KCNT2: variants seen among roughly 807,000 people sequenced by gnomAD.
The protein encoded by KCNT2 is potassium sodium-activated channel subfamily T member 2, also known as potassium channel subfamily T member 2.
KCNT2 carries 67 observed loss-of-function variants against 153.8 expected under a neutral mutation model. The observed-to-expected ratio is 0.44, with a 90% CI of 0.36 to 0.53. The LOEUF is 0.53. Among genes scored for constraint, KCNT2 ranks in the 20% least tolerant of loss-of-function variants. The probability of loss-of-function intolerance (pLI) is 0.00; values close to 1 mark genes in which losing one functional copy is unlikely to be tolerated. For synonymous variants in KCNT2, 500 were observed against 458.8 expected, an observed-to-expected ratio of 1.09 and a Z score of -1.15; for missense variants, 975 against 1,354.8, an observed-to-expected ratio of 0.72 and a Z score of 4.40.
intron 8 of KCNT2, among the ~76,000 whole-genome samples, chr1:196,448,378 A>G (rs750595526): frequency 1.6e-4 from 24 of 151,602 alleles, no homozygotes; most frequent in Non-Finnish European, 3.1e-4. Context: ...ATTATTATAT[A>G]TAACATTTCT....
intron 1 of KCNT2, among the ~76,000 whole-genome samples, chr1:196,569,627 G>T (rs1010304671): frequency 7.2e-5 from 11 of 152,066 alleles, no homozygotes; most frequent in South Asian, 2.1e-4. Context: ...GCTATTTATG[G>T]CAAAACAGTG....
At chr1:196,291,151 A>C (rs1252673968) in intron 22 of KCNT2, among the ~76,000 whole-genome samples, 3 of 151,998 alleles carry the variant, frequency 2.0e-5, no homozygotes, top group Non-Finnish European at 2.9e-5. Flanking sequence ...GAGATTTCAA[A>C]ACAATCTCTG....
intron 14 of KCNT2, among the ~76,000 whole-genome samples, chr1:196,360,772 G>A (rs190775042): frequency 2.5e-3 from 375 of 152,068 alleles, no homozygotes; most frequent in Non-Finnish European, 4.3e-3. Context: ...CATTGATCTC[G>A]GACTCCTAGC....
intron 1 of KCNT2, among the ~76,000 whole-genome samples, chr1:196,548,940 G>A (rs953932896): frequency 6.6e-6 from 1 of 151,534 alleles, no homozygotes; most frequent in African/African-American, 2.4e-5. Flanking sequence ...TCACTCATAG[G>A]TGGGAATTGA....
chr1:196,463,098 T>C (rs909724228), intron 8 of KCNT2, among the ~76,000 whole-genome samples: 3 of 151,644 alleles, frequency 2.0e-5, no homozygotes, highest in African/African-American at 7.3e-5. Flanking sequence ...ATAAGGAAAA[T>C]TATTCCCCAG....
intron 26 of KCNT2, among the ~76,000 whole-genome samples, chr1:196,245,316 C>T (rs1034737412): frequency 6.6e-6 from 1 of 152,002 alleles, no homozygotes; most frequent in Non-Finnish European, 1.5e-5. Flanking sequence ...CATAGCAAGA[C>T]CCTCTCTCTA....
intron 26 of KCNT2, chr1:196,257,592 T>C: frequency 1.1e-6 from 1 of 926,222 alleles, no homozygotes; most frequent in Non-Finnish European, 1.3e-6. Context: ...TTGCATTATT[T>C]AAGCTTTGCA....
At chr1:196,570,220 T>G (rs781589548) in intron 1 of KCNT2, among the ~76,000 whole-genome samples, 20 of 151,950 alleles carry the variant, frequency 1.3e-4, no homozygotes, top group Non-Finnish European at 2.5e-4. Flanking sequence ...GCTTTTTGGG[T>G]GAAATGCAGT....
At chr1:196,333,162 G>A (rs1401592366) in intron 17 of KCNT2, among the ~76,000 whole-genome samples, 1 of 150,704 alleles carries the variant, frequency 6.6e-6, no homozygotes, top group East Asian at 2.0e-4. Context: ...AAGTGGAACT[G>A]GCATGGCAAG....
intron 8 of KCNT2, among the ~76,000 whole-genome samples, chr1:196,443,283 A>G (rs189817197): frequency 2.6e-5 from 4 of 151,710 alleles, no homozygotes; most frequent in Non-Finnish European, 5.9e-5. Flanking sequence ...AATGAAAGCC[A>G]TAGTAACTGA....
chr1:196,237,384 C>T (rs774158049), intron 26 of KCNT2, among the ~76,000 whole-genome samples: 7 of 151,504 alleles, frequency 4.6e-5, no homozygotes, highest in Non-Finnish European at 8.9e-5. Context: ...ATAATTAAAC[C>T]CACTGTAAGT....
chr1:196,516,022 C>T (rs1191043780), intron 1 of KCNT2, among the ~76,000 whole-genome samples: 2 of 152,138 alleles, frequency 1.3e-5, no homozygotes, highest in African/African-American at 4.8e-5. Flanking sequence ...CATTAGATAC[C>T]CAGACTTCCC....
At position 196,390,586 on chromosome 1, in the gene KCNT2, T is replaced by A. The variant is rs571913348; in HGVS notation, c.1294+7977A>T. On this transcript the variant is annotated intron_variant, in intron 13 of 27. Coordinates refer to ENST00000294725, the MANE Select transcript of KCNT2 (RefSeq NM_198503.5). ...CTAAATAATCACTCCTATGAGGTTT[T>A]TTTTGTCCTCCTCACTGCACTCAAC... Among the ~76,000 whole-genome samples, 3 of 151,632 alleles carry A rather than the reference T, an allele frequency of 2.0e-5. No individual in the cohort carries two copies. The South Asian group carries it at 6.2e-4, about 31-fold the overall frequency.
chr1:196,268,960 C>A (rs770058021), intron 25 of KCNT2, among the ~76,000 whole-genome samples: 2 of 152,048 alleles, frequency 1.3e-5, no homozygotes, highest in Admixed American at 6.6e-5. Flanking sequence ...TGTATACAAT[C>A]ATTAGATCTA....
At chr1:196,314,784 C>A (rs1662543708) in intron 21 of KCNT2, among the ~76,000 whole-genome samples, 1 of 151,518 alleles carries the variant, frequency 6.6e-6, no homozygotes, top group South Asian at 2.1e-4. Flanking sequence ...GCTGTATAGT[C>A]CAAGGTCAGT....
At chr1:196,443,977 A>G (rs1675467986) in intron 8 of KCNT2, among the ~76,000 whole-genome samples, 1 of 151,534 alleles carries the variant, frequency 6.6e-6, no homozygotes. Context: ...TGTAAGATAT[A>G]TTCCCAAAAG....
intron 8 of KCNT2, among the ~76,000 whole-genome samples, chr1:196,442,059 A>G (rs1397066791): frequency 6.6e-6 from 1 of 151,836 alleles, no homozygotes; most frequent in Non-Finnish European, 1.5e-5. Context: ...AAGAAAAATC[A>G]TCACTTTCGT....
intron 1 of KCNT2, among the ~76,000 whole-genome samples, chr1:196,526,015 CTGTGTGTGTGTGTGTGTGTGTG>C (rs369541629): frequency 3.7e-4 from 52 of 140,066 alleles, no homozygotes; most frequent in African/African-American, 1.1e-3. Flanking sequence ...AGAACTGACT[CTGTGTGTGTGTGTGTGTGTGTG>C]TGTGTGTGTG....
At chr1:196,510,299 G>C (rs765561966) in intron 1 of KCNT2, among the ~76,000 whole-genome samples, 6 of 152,070 alleles carry the variant, frequency 3.9e-5, no homozygotes, top group Non-Finnish European at 7.4e-5. Flanking sequence ...GCACTATGCA[G>C]AGCACATAGC....
Sources: gnomAD v4.1 joint callset for allele counts (sites outside exome capture counted in the v4.1 genomes callset) on GRCh38, gnomAD v4.1.1 for gene constraint, MANE v1.5 for transcripts, NCBI Gene and HGNC (gene_info 2026-07-23, HGNC 2026-07-21) for gene names.